The following SHROOM4 variants were observed in gnomAD, a reference collection of about 807,000 sequenced individuals.
SHROOM4 encodes protein Shroom4.
SHROOM4 carries 17 observed loss-of-function variants against 80.3 expected under a neutral mutation model. The ratio of observed to expected loss-of-function variants is 0.21; its 90% confidence interval spans 0.14 to 0.32. The LOEUF (loss-of-function observed/expected upper bound fraction) is 0.32, where lower values mean the gene tolerates loss of function less well. Among genes scored for constraint, SHROOM4 ranks in the 10% least tolerant of loss-of-function variants. The pLI is 1.00. For synonymous variants in SHROOM4, 400 were observed against 437.5 expected (o/e 0.91, Z 1.07); for missense variants, 993 against 1,140.3 (o/e 0.87, Z 1.86).
At chrX:50,791,020 C>T (rs1047457111) in intron 1 of SHROOM4, among the ~76,000 whole-genome samples, 1 of 110,699 alleles carries the variant, frequency 9.0e-6, no homozygotes, top group Non-Finnish European at 1.9e-5. Flanking sequence ...TACCAGGTAA[C>T]ATGATCTTGT....
rs141381189 is a variant in SHROOM4 at position 50,726,824 on chromosome X, C to T, written c.118-30887G>A. Among the ~76,000 whole-genome samples the T allele has an allele frequency of 4.7e-3, 529 of 113,009 alleles. 2 individuals are homozygous for T. The highest frequency in any genetic ancestry group is 0.016 in the African/African-American group (496 of 31,186). Reference sequence around the variant, plus strand: ...CTACTAGGGCAGTTTGGAAGGGAAACGTGAGGTCAGAGATCCCACACAGAG... The same window carrying T: ...CTACTAGGGCAGTTTGGAAGGGAAATGTGAGGTCAGAGATCCCACACAGAG... On this transcript the variant is annotated intron_variant, in intron 1 of 8. Coordinates refer to ENST00000376020, the MANE Select transcript of SHROOM4 (RefSeq NM_020717.5).
chrX:50,671,422 A>G (rs1470970413), intron 2 of SHROOM4, among the ~76,000 whole-genome samples: 1 of 112,314 alleles, frequency 8.9e-6, no homozygotes, highest in East Asian at 2.8e-4. Flanking sequence ...TGTTTGGTCT[A>G]CATTAAAAAT....
chrX:50,769,168 G>A (rs995117069), intron 1 of SHROOM4, among the ~76,000 whole-genome samples: 1 of 108,455 alleles, frequency 9.2e-6, no homozygotes, highest in East Asian at 2.9e-4. Flanking sequence ...AGGAAAGGAA[G>A]GGGAGAGGAG....
chrX:50,643,938 G>T (rs914516955), intron 2 of SHROOM4, among the ~76,000 whole-genome samples: 1 of 112,797 alleles, frequency 8.9e-6, no homozygotes, highest in Non-Finnish European at 1.9e-5. Context: ...GTGCTTCCTG[G>T]ACTGAGTTGA....
Position 50,592,097 on chromosome X carries a change from T to A in SHROOM4, c.*4598A>T, listed in dbSNP as rs1928911343. ...CTTGTATCCTGCAACTTTCCTAAAT[T>A]CATCCAGGCAGGTAGTTGTGAGCAA... On this transcript the variant is annotated 3_prime_UTR_variant, in exon 9 of 9. Transcript: ENST00000376020. 6.1e-6 allele frequency: 2 copies of A among 328,149 alleles called. No individual in the cohort carries two copies. Among genetic ancestry groups the A allele is most frequent in the Non-Finnish European group, 1.2e-5 (2 of 169,906 alleles). The allele number at this position is 328,149 out of a possible 1,213,427, so 27.0% of individuals were successfully genotyped here.
At chrX:50,694,144 T>C (rs956939815) in intron 2 of SHROOM4, among the ~76,000 whole-genome samples, 1 of 111,940 alleles carries the variant, frequency 8.9e-6, no homozygotes, top group Non-Finnish European at 1.9e-5. Context: ...CATATCTTGT[T>C]TATTGTGAAT....
chrX:50,801,282 G>GAGAGAGAGAGAGAGAGAT (rs1487666030), intron 1 of SHROOM4, among the ~76,000 whole-genome samples: 10 of 106,981 alleles, frequency 9.3e-5, no homozygotes, highest in African/African-American at 3.4e-4. Context: ...GAGAGAGAGA[G>GAGAGAGAGAGAGAGAGAT]AGAGAGAGAA....
chrX:50,652,778 T>C (rs1380175625), intron 2 of SHROOM4, among the ~76,000 whole-genome samples: 1 of 112,404 alleles, frequency 8.9e-6, no homozygotes, highest in Non-Finnish European at 1.9e-5. Context: ...TTCAGTTTTC[T>C]GCATATGGCT....
chrX:50,635,796 G>A, intron 3 of SHROOM4, 128 bp from the exon 4 acceptor site: 1 of 564,568 alleles, frequency 1.8e-6, no homozygotes, highest in Non-Finnish European at 3.0e-6. Context: ...AAAAAAGGGG[G>A]AAGAAAGGGA....
chrX:50,788,408 G>C (rs1935788058), intron 1 of SHROOM4, among the ~76,000 whole-genome samples: 1 of 110,696 alleles, frequency 9.0e-6, no homozygotes, highest in African/African-American at 3.3e-5. Context: ...AGAATTATAA[G>C]ACAGACGAGA....
chrX:50,618,878 C>A (rs1314955431), intron 5 of SHROOM4, among the ~76,000 whole-genome samples: 1 of 112,157 alleles, frequency 8.9e-6, no homozygotes, highest in African/African-American at 3.3e-5. Context: ...GAGAGATAAT[C>A]GCAGGGAAGC....
intron 5 of SHROOM4, among the ~76,000 whole-genome samples, chrX:50,626,100 C>T (rs1443380865): frequency 9.0e-6 from 1 of 111,678 alleles, no homozygotes; most frequent in Non-Finnish European, 1.9e-5. Context: ...GTGAGGCAGG[C>T]AGGTAGGCAC....
intron 1 of SHROOM4, among the ~76,000 whole-genome samples, chrX:50,795,114 G>GAT (rs1181053336): frequency 2.0e-5 from 1 of 50,486 alleles, no homozygotes; most frequent in Admixed American, 2.5e-4. Flanking sequence ...ATATATATAT[G>GAT]ATATATATAT....
rs1557245213 is a variant in SHROOM4 at position 50,590,110 on chromosome X, A to G, written c.*6585T>C. On this transcript the variant is annotated 3_prime_UTR_variant, in exon 9 of 9. Coordinates refer to ENST00000376020, the MANE Select transcript of SHROOM4 (RefSeq NM_020717.5). ...GAATGTTTGTGTCCTCTCCAAACTCACATGCTGAAGCCCTAATCCCCAATG... is the reference window on the plus strand; with the variant it reads ...GAATGTTTGTGTCCTCTCCAAACTCGCATGCTGAAGCCCTAATCCCCAATG... Among the ~76,000 whole-genome samples, 2 of 111,464 alleles carry G rather than the reference A, an allele frequency of 1.8e-5. No individual in the cohort carries two copies. The highest frequency in any genetic ancestry group is 6.5e-5 in the African/African-American group (2 of 30,649).
chrX:50,751,545 T>C (rs1934919521), intron 1 of SHROOM4, among the ~76,000 whole-genome samples: 1 of 111,609 alleles, frequency 9.0e-6, no homozygotes, highest in Non-Finnish European at 1.9e-5. Context: ...ATAATAATGG[T>C]ATTTTGCAAC....
intron 2 of SHROOM4, among the ~76,000 whole-genome samples, chrX:50,657,289 T>G (rs1557259546): frequency 9.0e-6 from 1 of 111,433 alleles, no homozygotes; most frequent in Non-Finnish European, 1.9e-5. Flanking sequence ...CAGTACTATG[T>G]TTAGTAGAAG....
intron 1 of SHROOM4, among the ~76,000 whole-genome samples, chrX:50,738,683 C>T (rs373219227): frequency 1.8e-5 from 2 of 111,216 alleles, no homozygotes; most frequent in Admixed American, 9.6e-5. Context: ...TAAAAGAGGA[C>T]ACAAACAAAT....
chrX:50,756,395 G>T (rs1935039817), intron 1 of SHROOM4, among the ~76,000 whole-genome samples: 1 of 112,236 alleles, frequency 8.9e-6, no homozygotes, highest in Non-Finnish European at 1.9e-5. Flanking sequence ...CTCAGAAGTT[G>T]AGGATGTTTG....
intron 5 of SHROOM4, among the ~76,000 whole-genome samples, chrX:50,611,258 C>A (rs996929194): frequency 1.9e-5 from 2 of 105,211 alleles, no homozygotes; most frequent in Admixed American, 2.1e-4. Context: ...ACGCCATTCT[C>A]CTGCCTCAGC....
Sources: allele counts gnomAD v4.1 joint callset (sites outside exome capture counted in the v4.1 genomes callset), GRCh38; gene constraint gnomAD v4.1.1; transcripts MANE v1.5; gene names NCBI Gene and HGNC (gene_info 2026-07-23, HGNC 2026-07-21).